Variants in KIAA0930 observed in about 807,000 individuals in gnomAD.
KIAA0930 encodes the protein KIAA0930, also known as uncharacterized protein KIAA0930.
A neutral mutation model predicts 43.9 loss-of-function variants in KIAA0930; 24 were observed. The observed-to-expected ratio is 0.55, with a 90% CI of 0.40 to 0.77. The LOEUF (loss-of-function observed/expected upper bound fraction) is 0.77, where lower values mean the gene tolerates loss of function less well. KIAA0930 is among the 30% of genes least tolerant of loss of function. The probability of loss-of-function intolerance (pLI) is 0.00; values close to 1 mark genes in which losing one functional copy is unlikely to be tolerated. For missense variants in KIAA0930, 461 were observed against 574.2 expected, an observed-to-expected ratio of 0.80 and a Z score of 2.02; for synonymous variants, 259 against 216.4, an observed-to-expected ratio of 1.20 and a Z score of -1.73.
At chr22:45,213,265 G>T in intron 1 of KIAA0930, 1 of 1,264,898 alleles carries the variant, frequency 7.9e-7, no homozygotes, top group Non-Finnish European at 1.0e-6. Context: ...TCGGCCCTCA[G>T]CCCTCAGCCC....
intron 9 of KIAA0930, 98 bp downstream of exon 9, chr22:45,197,692 G>GGGCGGGATGACTCC: frequency 7.6e-7 from 1 of 1,322,300 alleles, no homozygotes; most frequent in Non-Finnish European, 1.1e-6. Flanking sequence ...CGACAGGACA[G>GGGCGGGATGACTCC]GGCGGGATGA....
rs144025279 is a variant in KIAA0930 at position 45,214,842 on chromosome 22, G to A, written c.65-2735C>T. The stretch of plus-strand genomic sequence containing the variant: ...GAGGATCACTTGAGCCCAGGAGTTC[G>A]AGGCTGCAGTCAGCTATGATCGAAC... On this transcript the variant is annotated intron_variant, in intron 1 of 9. Transcript: ENST00000336156. Among the ~76,000 whole-genome samples the A allele has an allele frequency of 1.4e-3, 220 of 152,280 alleles. 5 individuals carry two copies. The East Asian group carries it at 0.016, about 11-fold the overall frequency.
At chr22:45,238,237 C>T (rs1320092717) in intron 1 of KIAA0930, among the ~76,000 whole-genome samples, 1 of 152,172 alleles carries the variant, frequency 6.6e-6, no homozygotes, top group Non-Finnish European at 1.5e-5. Context: ...AAAATGAGGC[C>T]TTCTAAGAAG....
rs2083633538 is a variant in KIAA0930 at position 45,205,883 on chromosome 22, C to T, written c.246G>A (p.Val82=). The T allele has an allele frequency of 6.2e-7, 1 of 1,613,086 alleles. No individual in the cohort carries two copies. The highest frequency in any genetic ancestry group is 1.7e-5 in the Admixed American group (1 of 59,938). ...KAAEPEVEVE[V]YRRDSKKLPG... ...GCAGCTTCTTGGAGTCCCGCCGGTA[C>T]ACCTCCACCTCCACCTCAGGCTCAG... The change falls in exon 3 of 10, where the codon GTG becomes GTA. Residue 82 remains valine (V), a synonymous_variant. Transcript: ENST00000336156.
At chr22:45,234,967 C>T (rs1354286451) in intron 1 of KIAA0930, among the ~76,000 whole-genome samples, 2 of 151,730 alleles carry the variant, frequency 1.3e-5, no homozygotes, top group Non-Finnish European at 2.9e-5. Flanking sequence ...ATAATTGTTT[C>T]CTATTTTCTA....
chr22:45,226,160 G>A, intron 1 of KIAA0930: 2 of 439,618 alleles, frequency 4.5e-6, no homozygotes, highest in South Asian at 3.3e-5. Flanking sequence ...ACCCTCAGCT[G>A]CTGGCAGGCA....
At chr22:45,230,280 C>T (rs181925482) in intron 1 of KIAA0930, among the ~76,000 whole-genome samples, 2 of 152,246 alleles carry the variant, frequency 1.3e-5, no homozygotes, top group South Asian at 2.1e-4. Context: ...TGGAGGCACC[C>T]GAGACACATA....
At chr22:45,227,849 A>G (rs1008620120) in intron 1 of KIAA0930, among the ~76,000 whole-genome samples, 6 of 152,184 alleles carry the variant, frequency 3.9e-5, no homozygotes, top group South Asian at 2.1e-4. Flanking sequence ...GGGCGGATCC[A>G]TCGGGGTTTG....
In KIAA0930 at chr22:45,192,688, T is replaced by A. The variant is rs1229167672; in HGVS notation, c.*4488A>T. ...GGTTGCAGGGTCACTGTTATTTTGA[T>A]CTGCTGAGCTCAAGGACTGGAAACG... On this transcript the variant is annotated 3_prime_UTR_variant, in exon 10 of 10. Transcript: ENST00000336156. The A allele has an allele frequency of 6.6e-6, 1 of 152,170 alleles. No homozygotes were observed. Among genetic ancestry groups the A allele is most frequent in the Non-Finnish European group, 1.5e-5 (1 of 68,030 alleles). The allele number at this position is 152,170 out of a possible 1,614,324, so 9.4% of individuals were successfully genotyped here.
chr22:45,233,832 TATG>T (rs576027464), intron 1 of KIAA0930, among the ~76,000 whole-genome samples: 7 of 152,318 alleles, frequency 4.6e-5, no homozygotes, highest in East Asian at 1.9e-4. Context: ...TGACAGGGGT[TATG>T]ATATTAGATG....
At chr22:45,227,753 T>A (rs920572928) in intron 1 of KIAA0930, among the ~76,000 whole-genome samples, 5 of 152,130 alleles carry the variant, frequency 3.3e-5, no homozygotes, top group Non-Finnish European at 7.4e-5. Flanking sequence ...CAGGGAAGGA[T>A]CCTGGACGCA....
intron 1 of KIAA0930, among the ~76,000 whole-genome samples, chr22:45,230,523 G>C (rs961358899): frequency 6.6e-6 from 1 of 151,002 alleles, no homozygotes; most frequent in African/African-American, 2.4e-5. Context: ...GTTGAGAGAA[G>C]AATCTCAACA....
intron 1 of KIAA0930, among the ~76,000 whole-genome samples, chr22:45,235,954 G>A (rs1267358615): frequency 3.3e-5 from 5 of 152,234 alleles, no homozygotes; most frequent in Admixed American, 3.3e-4. Flanking sequence ...GGGAGGTGAA[G>A]GGTGCACAGC....
At chr22:45,216,311 C>G (rs1052419160) in intron 1 of KIAA0930, among the ~76,000 whole-genome samples, 15 of 152,186 alleles carry the variant, frequency 9.9e-5, no homozygotes, top group Non-Finnish European at 2.9e-5. Flanking sequence ...AGATGGGTCT[C>G]TAACCTGCCA....
chr22:45,225,025 A>G (rs930767753), intron 1 of KIAA0930, among the ~76,000 whole-genome samples: 4 of 152,058 alleles, frequency 2.6e-5, no homozygotes, highest in Non-Finnish European at 5.9e-5. Context: ...CTCTCCAGAG[A>G]ACACCGGGCT....
intron 1 of KIAA0930, among the ~76,000 whole-genome samples, chr22:45,228,970 T>C (rs147200316): frequency 2.9e-3 from 18 of 6,312 alleles, no homozygotes; most frequent in Non-Finnish European, 2.7e-3. Context: ...ACCCCCGCCA[T>C]CACCACTCAC....
intron 1 of KIAA0930, among the ~76,000 whole-genome samples, chr22:45,233,203 G>C (rs1435809855): frequency 1.3e-5 from 2 of 152,112 alleles, no homozygotes; most frequent in Non-Finnish European, 2.9e-5. Context: ...TTACACCACA[G>C]ACTCCAGGGC....
chr22:45,216,091 G>T (rs1319259097), intron 1 of KIAA0930, among the ~76,000 whole-genome samples: 1 of 152,148 alleles, frequency 6.6e-6, no homozygotes, highest in Non-Finnish European at 1.5e-5. Flanking sequence ...TCTCTTCAGA[G>T]GGAGGAAGGG....
intron 2 of KIAA0930, 38 bp downstream of exon 2, chr22:45,211,918 G>T (rs2083696887): frequency 6.3e-7 from 1 of 1,596,400 alleles, no homozygotes; most frequent in Non-Finnish European, 8.5e-7. Flanking sequence ...GGGATGCTTG[G>T]GGCACAGACG....
Sources: gnomAD v4.1 joint callset for allele counts (sites outside exome capture counted in the v4.1 genomes callset) on GRCh38, gnomAD v4.1.1 for gene constraint, MANE v1.5 for transcripts, NCBI Gene and HGNC (gene_info 2026-07-23, HGNC 2026-07-21) for gene names.